COL9A3: variants seen among roughly 807,000 people sequenced by gnomAD.
The protein encoded by COL9A3 is collagen alpha-3(IX) chain.
A neutral mutation model predicts 110.2 loss-of-function variants in COL9A3; 82 were observed. The ratio of observed to expected loss-of-function variants is 0.74; its 90% confidence interval spans 0.62 to 0.89. The LOEUF is 0.89. COL9A3 is among the 40% of genes least tolerant of loss of function. The pLI is 0.00. For synonymous variants in COL9A3, 494 were observed against 403.8 expected (o/e 1.22, Z -2.68); for missense variants, 1,066 against 981.3 (o/e 1.09, Z -1.15).
At chr20:62,830,632 C>G in intron 24 of COL9A3, 44 bp downstream of exon 24, 2 of 1,424,622 alleles carry the variant, frequency 1.4e-6, no homozygotes, top group Non-Finnish European at 1.9e-6. Context: ...ACCCCCTCTA[C>G]CCATGTACCA....
At chr20:62,826,140 C>T in intron 13 of COL9A3, 64 bp from the exon 14 acceptor site, 2 of 1,516,794 alleles carry the variant, frequency 1.3e-6, no homozygotes, top group Non-Finnish European at 8.9e-7. Context: ...AGGGCCTTGG[C>T]CCTGGGTGCT....
rs1600787439 is a variant in COL9A3, at chr20:62,819,089, G to C, written c.184-133G>C. 13 of 904,038 alleles carry C rather than the reference G, an allele frequency of 1.4e-5. No individual in the cohort carries two copies. In the East Asian group the frequency reaches 2.1e-4, roughly 14 times the overall value. The allele number at this position is 904,038 out of a possible 1,614,324, so 56.0% of individuals were successfully genotyped here. A position where few individuals can be genotyped will look rare whatever the true frequency, so the allele number is the denominator to read the frequency against. On this transcript the variant is annotated intron_variant, in intron 3 of 31. Coordinates refer to ENST00000649368, the MANE Select transcript of COL9A3 (RefSeq NM_001853.4). ...CTGAGCCGGGTCTGCCAGACAGTAGGGGGGACCCAGGAGAGGGGCCCATCC... is the reference window on the plus strand; with the variant it reads ...CTGAGCCGGGTCTGCCAGACAGTAGCGGGGACCCAGGAGAGGGGCCCATCC...
intron 26 of COL9A3, among the ~76,000 whole-genome samples, chr20:62,834,605 A>G (rs1334567133): frequency 6.6e-6 from 1 of 152,128 alleles, no homozygotes; most frequent in Non-Finnish European, 1.5e-5. Context: ...ATGCCTGGGG[A>G]CAAAAGACCT....
chr20:62,836,878 C>T lies in COL9A3; in HGVS notation c.1604-205C>T, dbSNP rs1051540874. On this transcript the variant is annotated intron_variant, in intron 29 of 31. Transcript: ENST00000649368. ...CCCAAGGGCACTTCCTTCACCTTCC[C>T]ACTCAGGCTTCTCAGGCTCCAAGGG... is the stretch of plus-strand genomic sequence containing the variant. 13 of 751,700 alleles carry T rather than the reference C, an allele frequency of 1.7e-5. No homozygotes were observed. In the Middle Eastern group the frequency reaches 2.3e-3, roughly 132 times the overall value. 46.6% of individuals were successfully genotyped at this position (751,700 alleles called of 1,614,324 possible). A position where few individuals can be genotyped will look rare whatever the true frequency, so the allele number is the denominator to read the frequency against.
intron 12 of COL9A3, chr20:62,825,568 C>T: frequency 1.7e-6 from 1 of 593,590 alleles, no homozygotes; most frequent in Admixed American, 2.9e-5. Context: ...CGAGGAGGGG[C>T]CTGGACAGGG....
At position 62,830,587 on chromosome 20, in the gene COL9A3, G is replaced by T. The variant is rs762887076; in HGVS notation, c.1286G>T (p.Arg429Leu). 1.3e-6 allele frequency: 2 copies of T among 1,593,690 alleles called. No individual in the cohort carries two copies. ...PQGLRGDVGD[R>L]GPGGAAGPKG... ...GGCCTCCGAGGTGACGTGGGCGACCGGGTAAGTGGCCCTCTCAGCAGGAAG... is the reference window on the plus strand; with the variant it reads ...GGCCTCCGAGGTGACGTGGGCGACCTGGTAAGTGGCCCTCTCAGCAGGAAG... Residue 429 changes from arginine to leucine, a missense_variant and splice_region_variant, in exon 24 of 32, where the codon CGG becomes CTG. Physicochemically the swap from Arg to Leu is moderately radical, Grantham distance 102. Transcript: ENST00000649368.
In COL9A3 at chr20:62,828,967, C is replaced by A. The variant is rs531882222; in HGVS notation, c.999C>A (p.Asn333Lys). The A allele has an allele frequency of 1.2e-6, 2 of 1,607,528 alleles. No individual in the cohort carries two copies. Among genetic ancestry groups the A allele is most frequent in the East Asian group, 2.2e-5 (1 of 44,696 alleles). ...GTGCTCCGGGAGAGAAGGGCCCCAA[C>A]GGGCTGCCGGTGAGTGCCCGGCGGG... ...RNGAPGEKGP[N>K]GLPGLPGRAG... The change falls in exon 19 of 32, where the codon AAC becomes AAA. Residue 333 changes from asparagine to lysine, a missense_variant. Transcript: ENST00000649368.
intron 31 of COL9A3, among the ~76,000 whole-genome samples, chr20:62,839,111 G>A (rs2063655677): frequency 6.6e-6 from 1 of 152,052 alleles, no homozygotes; most frequent in Admixed American, 6.6e-5. Flanking sequence ...TGTAATCCCA[G>A]ATACTTGGGA....
chr20:62,817,082 G>A lies in COL9A3; in HGVS notation c.18G>A (p.Ala6=), dbSNP rs1247228061. 4.3e-6 allele frequency: 6 copies of A among 1,389,866 alleles called. No individual in the cohort carries two copies. The highest frequency in any genetic ancestry group is 5.6e-6 in the Non-Finnish European group (6 of 1,065,982). 86.1% of individuals were successfully genotyped at this position (1,389,866 alleles called of 1,614,324 possible). Reference sequence around the variant, plus strand: ...GCTCAGCCATGGCCGGGCCGCGCGCGTGCGCCCCGCTCCTGCTCCTGCTCC... The same window carrying A: ...GCTCAGCCATGGCCGGGCCGCGCGCATGCGCCCCGCTCCTGCTCCTGCTCC... MAGPR[A]CAPLLLLLLL... The change falls in exon 1 of 32, where the codon GCG becomes GCA. Residue 6 remains alanine (A), a synonymous_variant. Coordinates refer to ENST00000649368, the MANE Select transcript of COL9A3 (RefSeq NM_001853.4).
chr20:62,837,658 T>C (rs924050185), intron 30 of COL9A3, among the ~76,000 whole-genome samples: 2 of 151,330 alleles, frequency 1.3e-5, no homozygotes, highest in African/African-American at 4.9e-5. Context: ...AATACAAAAA[T>C]TAGCTGGGCA....
chr20:62,821,141 G>A (rs1478219049), intron 5 of COL9A3, 40 bp from the exon 6 acceptor site: 2 of 1,608,716 alleles, frequency 1.2e-6, no homozygotes, highest in Non-Finnish European at 1.7e-6. Flanking sequence ...TTTGCAAATA[G>A]AGGCCCAGCC....
At chr20:62,818,135 G>A (rs912767736) in intron 2 of COL9A3, among the ~76,000 whole-genome samples, 3 of 152,170 alleles carry the variant, frequency 2.0e-5, no homozygotes, top group South Asian at 2.1e-4. Context: ...CCCTCGGAGG[G>A]ACCGTCTGGG....
intron 24 of COL9A3, chr20:62,831,045 G>A (rs12481719): frequency 0.12 from 18,801 of 152,282 alleles, 1,380 homozygotes; most frequent in Non-Finnish European, 0.16. Flanking sequence ...TTCATTCCTC[G>A]AGATTGGCGT....
At chr20:62,822,420 G>T (rs1437831316) in intron 9 of COL9A3, among the ~76,000 whole-genome samples, 171 bp from the exon 10 acceptor site, 2 of 152,074 alleles carry the variant, frequency 1.3e-5, no homozygotes, top group East Asian at 3.9e-4. Flanking sequence ...CATGCCCTGT[G>T]GGTGGGCCAG....
chr20:62,822,235 C>A, intron 9 of COL9A3, 71 bp downstream of exon 9: 1 of 864,764 alleles, frequency 1.2e-6, no homozygotes, highest in Non-Finnish European at 2.0e-6. Context: ...CCTCCCCATT[C>A]CCCCTCCCCA....
intron 31 of COL9A3, 62 bp from the exon 32 acceptor site, chr20:62,840,480 G>A (rs2063668399): frequency 1.4e-6 from 2 of 1,476,166 alleles, no homozygotes; most frequent in Non-Finnish European, 1.9e-6. Context: ...ACAGCTGGAT[G>A]TCAAGTCCCC....
chr20:62,829,838 C>G lies in COL9A3; in HGVS notation c.1161+19C>G. On this transcript the variant is annotated intron_variant, in intron 22 of 31. Transcript: ENST00000649368. ...CTCAGCGGTGAGTGCAGGGACATGG[C>G]CCGGGGTCGGGGGTTAGCACTGAGC... The G allele has an allele frequency of 6.4e-7, 1 of 1,553,176 alleles. No individual in the cohort carries two copies. The highest frequency in any genetic ancestry group is 8.7e-7 in the Non-Finnish European group (1 of 1,151,032).
chr20:62,818,553 G>C lies in COL9A3; in HGVS notation c.183G>C (p.Pro61=), dbSNP rs567371176. 1.2e-5 allele frequency: 19 copies of C among 1,612,904 alleles called. No individual in the cohort carries two copies. In the African/African-American group the frequency reaches 2.0e-4, roughly 17 times the overall value. The change falls in exon 3 of 32, where the codon CCG becomes CCC. Residue 61 remains proline (P), a splice_region_variant and synonymous_variant. Transcript: ENST00000649368. Reference sequence around the variant, plus strand: ...GTCCTCCAGGTCTGCCTGGGCCCCCGGTGAGTGTCCCTGGCTGGGGAGACA... The same window carrying C: ...GTCCTCCAGGTCTGCCTGGGCCCCCCGTGAGTGTCCCTGGCTGGGGAGACA... The part of the protein sequence containing the change: ...EAGPPGLPGP[P]GPKGAPGKPG...
chr20:62,837,296 C>G (rs1300397249), intron 30 of COL9A3, 31 bp downstream of exon 30: 2 of 1,600,070 alleles, frequency 1.2e-6, no homozygotes, highest in Non-Finnish European at 1.7e-6. Flanking sequence ...CACGGTCACC[C>G]TGCTGTAAAA....
Sources: allele counts gnomAD v4.1 joint callset (sites outside exome capture counted in the v4.1 genomes callset), GRCh38; gene constraint gnomAD v4.1.1; transcripts MANE v1.5; gene names NCBI Gene and HGNC (gene_info 2026-07-23, HGNC 2026-07-21).